Variants in HOMER2 observed in about 807,000 individuals in gnomAD.
HOMER2 encodes the protein homer scaffold protein 2.
In HOMER2, 27 loss-of-function variants were observed where a neutral mutation model predicts 47.0. The ratio of observed to expected loss-of-function variants is 0.57; its 90% CI spans 0.42 to 0.79. The LOEUF is 0.79. Ranked by LOEUF, HOMER2 falls within the 30% of genes least tolerant of loss-of-function variation. The pLI is 0.00. For synonymous variants in HOMER2, 161 were observed against 163.8 expected (o/e 0.98, Z 0.13); for missense variants, 443 against 435.0 (o/e 1.02, Z -0.16).
At chr15:82,963,336 T>C (rs1838576883) in intron 1 of HOMER2, among the ~76,000 whole-genome samples, 1 of 152,098 alleles carries the variant, frequency 6.6e-6, no homozygotes, top group Admixed American at 6.5e-5. Context: ...GTGATCCTCC[T>C]GCCTCAGCCC....
rs924342739 is a variant in HOMER2, at chr15:82,913,368, C to A, written c.6-20527G>T. On this transcript the variant is annotated intron_variant, in intron 1 of 8. Transcript: ENST00000450735. The surrounding 1 kb of genome is among the most constrained non-coding windows in gnomAD (Gnocchi z 4.1). The stretch of plus-strand genomic sequence containing the variant: ...ATGTAGTCTGATCATCTTGAAGAAG[C>A]CTGAGCTACACGGAGAGGGTAGCTC... 6.6e-6 allele frequency among the ~76,000 whole-genome samples: 1 copy of A among 151,994 alleles called. No homozygotes were observed. Among genetic ancestry groups the A allele is most frequent in the African/African-American group, 2.4e-5 (1 of 41,374 alleles).
rs1833543124 is a variant in HOMER2, at chr15:82,849,201, G to A, written c.*514C>T. 6.6e-6 allele frequency: 1 copy of A among 152,578 alleles called. No homozygotes were observed. The allele number at this position is 152,578 out of a possible 1,614,324, so 9.5% of individuals were successfully genotyped here. ...CAGAAAATGCACCCACCAGAAGCTT[G>A]TTTTCCATCTCTCAGAAAGTTTCCA... On this transcript the variant is annotated 3_prime_UTR_variant, in exon 9 of 9. Transcript: ENST00000450735.
At chr15:82,834,725 A>G (rs991024887), downstream of HOMER2, 8 of 152,570 alleles carry the variant, frequency 5.2e-5, no homozygotes, top group Admixed American at 3.9e-4. Flanking sequence ...CATAATAACT[A>G]TTTGCAATGC....
chr15:82,955,177 T>A (rs371946596), upstream of HOMER2, among the ~76,000 whole-genome samples: 1 of 149,272 alleles, frequency 6.7e-6, no homozygotes, highest in Admixed American at 6.6e-5. Flanking sequence ...TTTTCTTTTT[T>A]TTTTTTTTTT....
chr15:82,852,635 A>G lies in HOMER2; in HGVS notation c.652-383T>C, dbSNP rs376522545. The G allele has an allele frequency of 4.2e-4, 77 of 185,214 alleles. No individual in the cohort carries two copies. The South Asian group carries it at 9.7e-3, about 23-fold the overall frequency. The allele number at this position is 185,214 out of a possible 1,614,324, so 11.5% of individuals were successfully genotyped here. ...CCCCTGAATTGATCTGCTTTTCTCC[A>G]GAATGACTGTTACACCACTGTAATC... On this transcript the variant is annotated intron_variant, in intron 6 of 8. Coordinates refer to ENST00000450735, the MANE Select transcript of HOMER2 (RefSeq NM_004839.4).
At chr15:82,982,934 T>C (rs1312329470) in intron 1 of HOMER2, among the ~76,000 whole-genome samples, 2 of 152,198 alleles carry the variant, frequency 1.3e-5, no homozygotes, top group East Asian at 1.9e-4. Context: ...TCTCTATGAA[T>C]ACTTTCCCTG....
chr15:82,851,505 T>C (rs2051394557), intron 7 of HOMER2, among the ~76,000 whole-genome samples: 1 of 152,132 alleles, frequency 6.6e-6, no homozygotes, highest in African/African-American at 2.4e-5. Context: ...CCTAGGGAGT[T>C]TGGTAACATG....
At chr15:82,872,507 T>C (rs1216608127) in intron 3 of HOMER2, among the ~76,000 whole-genome samples, 1 of 152,204 alleles carries the variant, frequency 6.6e-6, no homozygotes, top group Non-Finnish European at 1.5e-5. Context: ...CTAAAATGCA[T>C]CTGAGCATTT....
At chr15:82,876,729 G>C (rs1439433539) in intron 2 of HOMER2, among the ~76,000 whole-genome samples, 3 of 152,180 alleles carry the variant, frequency 2.0e-5, no homozygotes, top group Admixed American at 2.0e-4. Flanking sequence ...GGTCAACTCA[G>C]AACACTTTCC....
At chr15:82,931,315 C>T (rs1211279289) in intron 1 of HOMER2, among the ~76,000 whole-genome samples, 1 of 152,218 alleles carries the variant, frequency 6.6e-6, no homozygotes, top group Non-Finnish European at 1.5e-5. Flanking sequence ...CCTGGGCTGA[C>T]ACTGCCATTC....
At chr15:82,910,463 A>AC (rs1461454589) in intron 1 of HOMER2, among the ~76,000 whole-genome samples, 2 of 152,128 alleles carry the variant, frequency 1.3e-5, no homozygotes, top group African/African-American at 4.8e-5. Context: ...GGTAATTTGG[A>AC]CCATACTAGC....
At chr15:82,867,596 C>T (rs946678676) in intron 3 of HOMER2, among the ~76,000 whole-genome samples, 1 of 152,032 alleles carries the variant, frequency 6.6e-6, no homozygotes, top group Non-Finnish European at 1.5e-5. Flanking sequence ...ATCAAAATAA[C>T]GAGGTACCAT....
At chr15:82,896,418 A>C (rs1424066220) in intron 1 of HOMER2, among the ~76,000 whole-genome samples, 1 of 152,206 alleles carries the variant, frequency 6.6e-6, no homozygotes, top group Non-Finnish European at 1.5e-5. Flanking sequence ...TCCATCTCCA[A>C]ATCTGCCTGC....
At chr15:82,893,393 C>T (rs1223463412) in intron 1 of HOMER2, among the ~76,000 whole-genome samples, 2 of 132,546 alleles carry the variant, frequency 1.5e-5, no homozygotes, top group Non-Finnish European at 3.1e-5. Context: ...AGTGCAGTGG[C>T]ATGATCTCGG....
chr15:82,951,043 A>G (rs569753018), intron 1 of HOMER2, among the ~76,000 whole-genome samples: 2 of 152,108 alleles, frequency 1.3e-5, no homozygotes, highest in African/African-American at 4.8e-5. Flanking sequence ...ACATTTTTTT[A>G]AAGTATGAAA....
chr15:82,889,360 C>G (rs1263228122), intron 2 of HOMER2, among the ~76,000 whole-genome samples: 2 of 152,232 alleles, frequency 1.3e-5, no homozygotes, highest in African/African-American at 4.8e-5. Flanking sequence ...GGACGTGCAG[C>G]TGGGCAGGGA....
At chr15:82,892,291 GCC>G (rs1567036034) in intron 2 of HOMER2, among the ~76,000 whole-genome samples, 1 of 152,046 alleles carries the variant, frequency 6.6e-6, no homozygotes, top group Non-Finnish European at 1.5e-5. Context: ...TTAATATCTT[GCC>G]CCATAATATT....
chr15:82,905,051 T>C (rs1243266025), intron 1 of HOMER2, among the ~76,000 whole-genome samples: 1 of 151,760 alleles, frequency 6.6e-6, no homozygotes, highest in African/African-American at 2.4e-5. Context: ...CAAGAACAGA[T>C]GGATAATGTA....
chr15:82,911,701 G>A (rs1417275439), intron 1 of HOMER2, among the ~76,000 whole-genome samples: 6 of 152,198 alleles, frequency 3.9e-5, no homozygotes, highest in Non-Finnish European at 8.8e-5. Context: ...AGAGTTGCCA[G>A]ATTTGGCAGA....
Sources: gnomAD v4.1 joint callset for allele counts (sites outside exome capture counted in the v4.1 genomes callset) on GRCh38, gnomAD v4.1.1 for gene constraint, Gnocchi (gnomAD v3.1) non-coding constraint, MANE v1.5 for transcripts, NCBI Gene and HGNC (gene_info 2026-07-23, HGNC 2026-07-21) for gene names.